USP12: variants seen among roughly 807,000 people sequenced by gnomAD.
USP12 encodes ubiquitin specific peptidase 12.
In USP12, 19 loss-of-function variants were observed where a neutral mutation model predicts 45.5. The ratio of observed to expected loss-of-function variants is 0.42; its 90% CI spans 0.29 to 0.61. The LOEUF (loss-of-function observed/expected upper bound fraction) is 0.61, where lower values mean the gene tolerates loss of function less well. USP12 is among the 20% of genes least tolerant of loss of function. The pLI is 0.22. For missense variants in USP12, 242 were observed against 447.7 expected (o/e 0.54, Z 4.15); for synonymous variants, 149 against 148.8 (o/e 1.00, Z -0.01).
intron 1 of USP12, among the ~76,000 whole-genome samples, chr13:27,171,178 C>A (rs1878584624): frequency 6.6e-6 from 1 of 151,102 alleles, no homozygotes; most frequent in South Asian, 2.1e-4. Flanking sequence ...CCGACGACCC[C>A]GGCCCGGGGC....
intron 1 of USP12, among the ~76,000 whole-genome samples, chr13:27,147,140 C>T (rs1355491716): frequency 2.6e-5 from 4 of 152,112 alleles, no homozygotes; most frequent in Non-Finnish European, 5.9e-5. Flanking sequence ...ATTCAATTTA[C>T]GGTATCTGTT....
intron 1 of USP12, among the ~76,000 whole-genome samples, chr13:27,156,219 GAAAAA>G (rs56139734): frequency 7.0e-6 from 1 of 141,892 alleles, no homozygotes; most frequent in African/African-American, 2.6e-5. Flanking sequence ...CTCCTGCAAG[GAAAAA>G]AAAAAAAAAA....
chr13:27,114,842 G>A (rs1406366528), intron 2 of USP12, among the ~76,000 whole-genome samples: 1 of 151,276 alleles, frequency 6.6e-6, no homozygotes, highest in African/African-American at 2.4e-5. Context: ...TTAAAAATTA[G>A]ACAGGCATGG....
In USP12 at chr13:27,113,902, C is replaced by A. The variant is rs190608975; in HGVS notation, c.129+2614G>T. Among the ~76,000 whole-genome samples, 135 of 152,250 alleles carry A rather than the reference C, an allele frequency of 8.9e-4. 5 individuals carry two copies. The East Asian group carries it at 0.024, about 27-fold the overall frequency. On this transcript the variant is annotated intron_variant, in intron 2 of 8. Transcript: ENST00000282344. ...CATTTGCCTAATGAACTTTATAACC[C>A]AAAAATGGAAAGTTTCATTTTTATT...
chr13:27,121,357 G>C (rs1875976589), intron 1 of USP12, among the ~76,000 whole-genome samples: 1 of 148,770 alleles, frequency 6.7e-6, no homozygotes, highest in African/African-American at 2.5e-5. Context: ...CCTAAATTGA[G>C]AGTGCCCTCC....
intron 1 of USP12, among the ~76,000 whole-genome samples, chr13:27,117,064 C>A (rs1291814872): frequency 8.5e-5 from 13 of 152,130 alleles, no homozygotes; most frequent in Admixed American, 8.5e-4. Flanking sequence ...AAAAAACTAT[C>A]TGTGATCCCT....
intron 1 of USP12, among the ~76,000 whole-genome samples, chr13:27,155,913 A>G (rs1000746071): frequency 1.3e-5 from 2 of 152,244 alleles, no homozygotes; most frequent in Admixed American, 6.5e-5. Flanking sequence ...GTTTATTTCT[A>G]TGTAGCTTCA....
chr13:27,128,012 C>T (rs1876320380), intron 1 of USP12, among the ~76,000 whole-genome samples: 1 of 152,042 alleles, frequency 6.6e-6, no homozygotes, highest in African/African-American at 2.4e-5. Context: ...CACAGTATTC[C>T]GATTATTTTA....
intron 7 of USP12, among the ~76,000 whole-genome samples, chr13:27,071,915 G>T (rs372287111): frequency 6.6e-6 from 1 of 152,022 alleles, no homozygotes; most frequent in Non-Finnish European, 1.5e-5. Context: ...TTATTAAATT[G>T]TAATTCTATA....
At position 27,148,298 on chromosome 13, in the gene USP12, T is replaced by C. The variant is rs76140027; in HGVS notation, c.48+23294A>G. 5.5e-3 allele frequency among the ~76,000 whole-genome samples: 843 copies of C among 152,148 alleles called. 6 individuals carry two copies. The highest frequency in any genetic ancestry group is 8.9e-3 in the Non-Finnish European group (603 of 67,990). On this transcript the variant is annotated intron_variant, in intron 1 of 8. Transcript: ENST00000282344. Reference sequence around the variant, plus strand: ...CATACAAGAGTACCTGTAACAGCAATTGTTAATTATAAAGGACACTATAAA... The same window carrying C: ...CATACAAGAGTACCTGTAACAGCAACTGTTAATTATAAAGGACACTATAAA...
chr13:27,105,684 A>G lies in USP12; in HGVS notation c.343+47T>C, dbSNP rs369026284. 5.8e-4 allele frequency: 905 copies of G among 1,561,618 alleles called. 1 individual carries two copies. Among genetic ancestry groups the G allele is most frequent in the Non-Finnish European group, 7.7e-4 (873 of 1,138,374 alleles). On this transcript the variant is annotated intron_variant, in intron 3 of 8. Transcript: ENST00000282344. ...AAGTGCTGGAATTATGGCACACTAT[A>G]TTTAACCTTCCTAGTATGTCATTAA...
At position 27,095,683 on chromosome 13, in the gene USP12, T is replaced by A; in HGVS notation, c.491A>T (p.Asn164Ile). The change falls in exon 4 of 9, where the codon AAC becomes ATC. Residue 164 changes from asparagine (N) to isoleucine (I), a missense_variant. By Grantham distance (149) the Asn-to-Ile change is moderately radical. Transcript: ENST00000282344. ...AACCCACGTTGGGTCTGGTGTGCTG[T>A]TATTATTTTCATTATCAATATTACC... ...PNGNIDNENN[N>I]STPDPTWVHE... 16 of 1,613,296 alleles carry A rather than the reference T, an allele frequency of 9.9e-6. No homozygotes were observed. Among genetic ancestry groups the A allele is most frequent in the Non-Finnish European group, 1.4e-5 (16 of 1,179,584 alleles).
chr13:27,135,630 G>A (rs1876767950), intron 1 of USP12, among the ~76,000 whole-genome samples: 1 of 152,114 alleles, frequency 6.6e-6, no homozygotes, highest in Non-Finnish European at 1.5e-5. Flanking sequence ...CATGAAAATT[G>A]TTTGAACCAG....
At chr13:27,143,014 A>T (rs1877135751) in intron 1 of USP12, among the ~76,000 whole-genome samples, 2 of 151,886 alleles carry the variant, frequency 1.3e-5, no homozygotes, top group Admixed American at 1.3e-4. Flanking sequence ...AATCGCTTGA[A>T]CTGGGGAGGC....
At position 27,116,498 on chromosome 13, in the gene USP12, G is replaced by T. The variant is rs760881635; in HGVS notation, c.129+18C>A. ...TGCTTCCGAACATGATTCTAAAAGC[G>T]TATCAATGGATACTTACATTGACTA... is the stretch of plus-strand genomic sequence containing the variant. On this transcript the variant is annotated intron_variant, in intron 2 of 8. Transcript: ENST00000282344. 1.2e-6 allele frequency: 2 copies of T among 1,608,942 alleles called. No individual in the cohort carries two copies. Among genetic ancestry groups the T allele is most frequent in the South Asian group, 2.2e-5 (2 of 90,392 alleles).
At chr13:27,096,166 C>T (rs141201587) in intron 3 of USP12, among the ~76,000 whole-genome samples, 16 of 152,286 alleles carry the variant, frequency 1.1e-4, no homozygotes, top group Admixed American at 3.9e-4. Flanking sequence ...TTCAACTTGG[C>T]AAGCTTTAAA....
chr13:27,164,188 T>C (rs539251410), intron 1 of USP12, among the ~76,000 whole-genome samples: 3 of 152,268 alleles, frequency 2.0e-5, no homozygotes, highest in Non-Finnish European at 4.4e-5. Flanking sequence ...CTAACTCTAC[T>C]GAAAGATATT....
In USP12 at chr13:27,089,898, T is replaced by C. The variant is rs1874236208; in HGVS notation, c.719A>G (p.Gln240Arg). 1 of 1,610,592 alleles carries C rather than the reference T, an allele frequency of 6.2e-7. No homozygotes were observed. Among genetic ancestry groups the C allele is most frequent in the Non-Finnish European group, 8.5e-7 (1 of 1,178,684 alleles). Residue 240 changes from glutamine to arginine, a missense_variant, in exon 6 of 9, where the codon CAG becomes CGG. Physicochemically the swap from Gln to Arg is conservative, Grantham distance 43. Transcript: ENST00000282344. ...CTAAAATTACCGTTTGTGTGCTTCC[T>C]GTTTGCTGCGACACTCTTCACAGTA... Reference protein sequence around the residue: ...KYYCEECRSKQEAHKRMKVKK... With the variant: ...KYYCEECRSKREAHKRMKVKK...
Position 27,129,574 on chromosome 13 carries a change from G to C in USP12, c.49-12978C>G, listed in dbSNP as rs1876398057. On this transcript the variant is annotated intron_variant, in intron 1 of 8. Coordinates refer to ENST00000282344, the MANE Select transcript of USP12 (RefSeq NM_182488.4). This position sits in a 1 kb window ranked among gnomAD's most constrained non-coding sequence, Gnocchi z 4.0. ...CTCTGTCTCTACAGAGGATGTTGTG[G>C]AGCACGCCTGTAGTCCCAGCTGTTC... 6.6e-6 allele frequency among the ~76,000 whole-genome samples: 1 copy of C among 152,156 alleles called. No individual in the cohort carries two copies. The highest frequency in any genetic ancestry group is 1.5e-5 in the Non-Finnish European group (1 of 68,026).
Sources: allele counts gnomAD v4.1 joint callset (sites outside exome capture counted in the v4.1 genomes callset), GRCh38; gene constraint gnomAD v4.1.1; non-coding constraint Gnocchi (gnomAD v3.1); transcripts MANE v1.5; gene names NCBI Gene and HGNC (gene_info 2026-07-23, HGNC 2026-07-21).